The following DARS1 variants were observed in gnomAD, a reference collection of about 807,000 sequenced individuals.
DARS1 encodes aspartyl-tRNA synthetase 1, also known as aspartate--tRNA ligase, cytoplasmic.
Under a neutral mutation model 68.8 loss-of-function variants are expected in DARS1, and 51 were observed. The ratio of observed to expected loss-of-function variants is 0.74; its 90% CI spans 0.59 to 0.94. The LOEUF (loss-of-function observed/expected upper bound fraction) is 0.94, where lower values mean the gene tolerates loss of function less well. Ranked by LOEUF, DARS1 falls within the 40% of genes least tolerant of loss-of-function variation. The probability of loss-of-function intolerance (pLI) is 0.00; values close to 1 mark genes in which losing one functional copy is unlikely to be tolerated. For missense variants in DARS1, 607 were observed against 597.3 expected, an observed-to-expected ratio of 1.02 and a Z score of -0.17; for synonymous variants, 203 against 190.4, an observed-to-expected ratio of 1.07 and a Z score of -0.55.
chr2:135,964,773 G>A (rs1336344872), intron 3 of DARS1, among the ~76,000 whole-genome samples: 1 of 148,026 alleles, frequency 6.8e-6, no homozygotes. Context: ...CCCAGCAGGC[G>A]GAGGTTGCAA....
intron 5 of DARS1, among the ~76,000 whole-genome samples, chr2:135,936,158 A>C (rs1681468550): frequency 6.6e-6 from 1 of 152,228 alleles, no homozygotes; most frequent in Non-Finnish European, 1.5e-5. Context: ...TGGCTGAATA[A>C]ATAAATAAGT....
chr2:135,951,143 C>T (rs1424696438), intron 4 of DARS1, among the ~76,000 whole-genome samples: 1 of 152,178 alleles, frequency 6.6e-6, no homozygotes, highest in East Asian at 1.9e-4. Flanking sequence ...AACTCAAAAG[C>T]CTGGAACTTC....
intron 10 of DARS1, among the ~76,000 whole-genome samples, chr2:135,916,856 T>G (rs998529987): frequency 6.6e-6 from 1 of 152,210 alleles, no homozygotes; most frequent in African/African-American, 2.4e-5. Flanking sequence ...TTTACTGCAC[T>G]GAGCTGAATT....
intron 3 of DARS1, among the ~76,000 whole-genome samples, chr2:135,976,343 C>A (rs1221527440): frequency 1.3e-5 from 2 of 152,116 alleles, no homozygotes; most frequent in South Asian, 4.2e-4. Context: ...CTCCAAAATT[C>A]CCCAATACCC....
Position 135,926,142 on chromosome 2 carries a change from C to T in DARS1, c.565-1644G>A, listed in dbSNP as rs146320843. 6.4e-4 allele frequency among the ~76,000 whole-genome samples: 97 copies of T among 152,278 alleles called. 1 individual carries two copies. The East Asian group carries it at 6.6e-3, about 10-fold the overall frequency. ...CTGACCCCAGGCGATCTGCTCATCA[C>T]GGCCTCCCAAAGTGCTGGGATTACA... On this transcript the variant is annotated intron_variant, in intron 7 of 15. Coordinates refer to ENST00000264161, the MANE Select transcript of DARS1 (RefSeq NM_001349.4).
intron 2 of DARS1, among the ~76,000 whole-genome samples, chr2:135,982,528 G>A (rs546859600): frequency 5.3e-5 from 8 of 151,556 alleles, no homozygotes; most frequent in Non-Finnish European, 1.2e-4. Context: ...CTTGGGAGGC[G>A]GAAGTTGAAG....
chr2:135,985,482 T>G lies in DARS1; in HGVS notation c.-14A>C. The G allele has an allele frequency of 6.2e-7, 1 of 1,613,976 alleles. No individual in the cohort carries two copies. On this transcript the variant is annotated 5_prime_UTR_variant, in exon 1 of 16. Transcript: ENST00000264161. The stretch of plus-strand genomic sequence containing the variant: ...GGCGCTGGGCATCGGGACACGGAAC[T>G]GGGCAGTGGACACCACCCTCCCTCG...
intron 3 of DARS1, among the ~76,000 whole-genome samples, chr2:135,972,816 T>C (rs79494100): frequency 2.6e-5 from 4 of 152,172 alleles, no homozygotes; most frequent in African/African-American, 7.2e-5. Flanking sequence ...AAAAGGCATA[T>C]GAAAAAGTGC....
intron 4 of DARS1, among the ~76,000 whole-genome samples, chr2:135,955,294 A>G (rs1479186702): frequency 6.6e-6 from 1 of 152,172 alleles, no homozygotes; most frequent in Admixed American, 6.5e-5. Context: ...CAAAACCGAT[A>G]CATTTTTTAG....
chr2:135,980,388 C>T (rs1374528709), intron 2 of DARS1: 1 of 152,088 alleles, frequency 6.6e-6, no homozygotes, highest in African/African-American at 2.4e-5. Context: ...TCGAGAATAC[C>T]TTTTGAGACA....
At chr2:135,961,943 A>G (rs1682111594) in intron 3 of DARS1, among the ~76,000 whole-genome samples, 2 of 152,216 alleles carry the variant, frequency 1.3e-5, no homozygotes, top group Admixed American at 1.3e-4. Context: ...CAGTGCTTAA[A>G]AACAAGGACA....
intron 5 of DARS1, among the ~76,000 whole-genome samples, chr2:135,940,855 A>G (rs1192034560): frequency 6.6e-6 from 1 of 152,194 alleles, no homozygotes; most frequent in African/African-American, 2.4e-5. Context: ...AAGCCTTCCT[A>G]TACACCAATA....
intron 3 of DARS1, among the ~76,000 whole-genome samples, chr2:135,969,881 C>T (rs1215923522): frequency 1.3e-5 from 2 of 152,114 alleles, no homozygotes; most frequent in African/African-American, 4.8e-5. Context: ...ACATAACCTT[C>T]TTTTGTGTGT....
At chr2:135,974,252 G>T (rs1682449636) in intron 3 of DARS1, among the ~76,000 whole-genome samples, 1 of 152,190 alleles carries the variant, frequency 6.6e-6, no homozygotes, top group Admixed American at 6.5e-5. Context: ...CACATGTACA[G>T]GTCTGGCATG....
At chr2:135,915,059 A>C (rs1680976240) in intron 11 of DARS1, among the ~76,000 whole-genome samples, 1 of 152,194 alleles carries the variant, frequency 6.6e-6, no homozygotes, top group Non-Finnish European at 1.5e-5. Context: ...ATCTTGCCTT[A>C]AAATGTCATC....
intron 8 of DARS1, among the ~76,000 whole-genome samples, chr2:135,923,959 T>C (rs551458345): frequency 4.6e-5 from 7 of 152,184 alleles, no homozygotes; most frequent in Non-Finnish European, 1.0e-4. Flanking sequence ...GGAGGTTCGG[T>C]GAGCCGAATT....
At chr2:135,920,917 G>T (rs1159515795) in intron 9 of DARS1, among the ~76,000 whole-genome samples, 4 of 151,774 alleles carry the variant, frequency 2.6e-5, no homozygotes, top group African/African-American at 9.7e-5. Context: ...CCAAGATAGT[G>T]AGTTCTTCTC....
Position 135,955,705 on chromosome 2 carries a change from T to TTTTA in DARS1, c.320+5690_320+5691insTAAA, listed in dbSNP as rs1553446835. On this transcript the variant is annotated intron_variant, in intron 4 of 15. Transcript: ENST00000264161. ...TTTTTTTTTTTTTTTTTTTTTTTTT[T>TTTTA]AGACAGGGTCTCGCTCTGTCACACA... Among the ~76,000 whole-genome samples, 24 of 123,462 alleles carry TTTTA rather than the reference T, an allele frequency of 1.9e-4. 2 individuals carry two copies. The highest frequency in any genetic ancestry group is 1.1e-3 in the East Asian group (4 of 3,606). The allele number at this position is 123,462 out of a possible 152,430, so 81.0% of individuals were successfully genotyped here. A position where few individuals can be genotyped will look rare whatever the true frequency, so the allele number is the denominator to read the frequency against.
In DARS1 at chr2:135,932,779, A is replaced by G; in HGVS notation, c.564+4T>C. 1 of 1,208,786 alleles carries G rather than the reference A, an allele frequency of 8.3e-7. No individual in the cohort carries two copies. The highest frequency in any genetic ancestry group is 1.2e-6 in the Non-Finnish European group (1 of 817,454). The allele number at this position is 1,208,786 out of a possible 1,614,324, so 74.9% of individuals were successfully genotyped here. ...GCTTCACTTAATAAATAAATGAGGC[A>G]TACCCTAAGATCAATGACTCTGTTG... On this transcript the variant is annotated splice_donor_region_variant and intron_variant, in intron 7 of 15. Coordinates refer to ENST00000264161, the MANE Select transcript of DARS1 (RefSeq NM_001349.4).
Sources: gnomAD v4.1 joint callset for allele counts (sites outside exome capture counted in the v4.1 genomes callset) on GRCh38, gnomAD v4.1.1 for gene constraint, MANE v1.5 for transcripts, NCBI Gene and HGNC (gene_info 2026-07-23, HGNC 2026-07-21) for gene names.